Variants in DNER observed in about 807,000 individuals in gnomAD.
DNER encodes the protein delta and Notch-like epidermal growth factor-related receptor.
DNER carries 33 observed loss-of-function variants against 78.2 expected under a neutral mutation model. The observed-to-expected ratio is 0.42, with a 90% CI of 0.32 to 0.56. DNER has a LOEUF of 0.56. Ranked by LOEUF, DNER falls within the 20% of genes least tolerant of loss-of-function variation. The pLI is 0.11. For missense variants in DNER, 918 were observed against 975.3 expected, an observed-to-expected ratio of 0.94 and a Z score of 0.78; for synonymous variants, 417 against 384.8, an observed-to-expected ratio of 1.08 and a Z score of -0.98.
Position 229,358,575 on chromosome 2 carries a change from G to T in DNER, c.2179C>A (p.Pro727Thr), listed in dbSNP as rs771234732. 6 of 1,613,498 alleles carry T rather than the reference G, an allele frequency of 3.7e-6. No homozygotes were observed. The East Asian group carries it at 8.9e-5, about 24-fold the overall frequency. ...AYEDYSPDDK[P>T]LVTLIKTKDL is the part of the protein sequence containing the mutation. ...TTAGTTTTAATCAGTGTGACCAAGG[G>T]TTTGTCATCAGGACTGTAATCTTCA... is the stretch of plus-strand genomic sequence containing the variant. Residue 727 changes from proline to threonine, a missense_variant, in exon 13 of 13, where the codon CCC (proline) becomes ACC (threonine). Pro to Thr is a conservative substitution (Grantham distance 38, BLOSUM62 -1). Transcript: ENST00000341772.
intron 5 of DNER, among the ~76,000 whole-genome samples, chr2:229,541,573 A>G (rs1696514460): frequency 6.6e-6 from 1 of 152,178 alleles, no homozygotes; most frequent in Non-Finnish European, 1.5e-5. Flanking sequence ...AAAAATTCAA[A>G]AAAATTGTAT....
At chr2:229,457,071 T>C (rs1040020753) in intron 7 of DNER, among the ~76,000 whole-genome samples, 1 of 152,002 alleles carries the variant, frequency 6.6e-6, no homozygotes, top group African/African-American at 2.4e-5. Context: ...TCAGGGAAAA[T>C]AACTTCTAGT....
chr2:229,509,805 G>A (rs534580477), intron 6 of DNER, among the ~76,000 whole-genome samples: 77 of 152,248 alleles, frequency 5.1e-4, no homozygotes, highest in African/African-American at 1.8e-3. Flanking sequence ...ACAAGAGCAA[G>A]ACTCTGTCTC....
At chr2:229,515,158 T>C (rs1390165094) in intron 5 of DNER, among the ~76,000 whole-genome samples, 1 of 152,246 alleles carries the variant, frequency 6.6e-6, no homozygotes, top group Non-Finnish European at 1.5e-5. Flanking sequence ...TGTTTTTTCA[T>C]CATGTTTTGA....
chr2:229,552,611 ATGCGAAGAAGGACATGTT>A, intron 4 of DNER, among the ~76,000 whole-genome samples: 1 of 152,154 alleles, frequency 6.6e-6, no homozygotes. Context: ...TGCTGCCACC[ATGCGAAGAAGGACATGTT>A]TGCTTCCCTT....
At chr2:229,603,760 G>A (rs1324278108) in intron 1 of DNER, among the ~76,000 whole-genome samples, 1 of 143,274 alleles carries the variant, frequency 7.0e-6, no homozygotes, top group African/African-American at 3.0e-5. Flanking sequence ...TCTGTGCTTT[G>A]CAAGTTTGTG....
chr2:229,654,095 TC>T (rs200698769), intron 1 of DNER, among the ~76,000 whole-genome samples: 3,704 of 152,128 alleles, frequency 0.024, 152 homozygotes, highest in African/African-American at 0.085. Context: ...TAGGTATATC[TC>T]CCTAATGCTA....
At chr2:229,387,513 A>AAGAAAGAAAGAG (rs1692905716) in intron 11 of DNER, among the ~76,000 whole-genome samples, 2 of 36,872 alleles carry the variant, frequency 5.4e-5, no homozygotes, top group Non-Finnish European at 1.1e-4. Context: ...GAAAGAGAGA[A>AAGAAAGAAAGAG]AGAAAGAAAG....
intron 12 of DNER, among the ~76,000 whole-genome samples, chr2:229,365,926 C>T (rs1370870463): frequency 6.6e-6 from 1 of 152,176 alleles, no homozygotes; most frequent in Non-Finnish European, 1.5e-5. Flanking sequence ...CTTCAACAAA[C>T]AATATTGCTA....
intron 5 of DNER, among the ~76,000 whole-genome samples, chr2:229,542,336 A>G (rs1044491722): frequency 6.6e-6 from 1 of 152,198 alleles, no homozygotes; most frequent in Non-Finnish European, 1.5e-5. Flanking sequence ...TGAAGTAAAC[A>G]TTTATAAAGA....
At chr2:229,507,436 A>G (rs776810169) in intron 6 of DNER, among the ~76,000 whole-genome samples, 33 of 152,352 alleles carry the variant, frequency 2.2e-4, no homozygotes, top group Non-Finnish European at 3.8e-4. Flanking sequence ...GGAGACATTA[A>G]GTCACCTTAG....
At chr2:229,441,259 T>C (rs1694228788) in intron 8 of DNER, among the ~76,000 whole-genome samples, 1 of 151,078 alleles carries the variant, frequency 6.6e-6, no homozygotes, top group African/African-American at 2.4e-5. Flanking sequence ...GTTCAGAATT[T>C]TATATGAACT....
intron 6 of DNER, among the ~76,000 whole-genome samples, chr2:229,493,364 A>T (rs1370955583): frequency 6.6e-6 from 1 of 152,208 alleles, no homozygotes; most frequent in Non-Finnish European, 1.5e-5. Flanking sequence ...TTGAGGAAGA[A>T]TTATATTCTT....
chr2:229,633,541 A>G (rs994189976), intron 1 of DNER, among the ~76,000 whole-genome samples: 6 of 152,258 alleles, frequency 3.9e-5, no homozygotes, highest in African/African-American at 1.2e-4. Flanking sequence ...AAATGAATCC[A>G]AAGTAATATA....
Position 229,674,536 on chromosome 2 carries a change from C to T in DNER, c.276+39612G>A, listed in dbSNP as rs147870691. 2.4e-3 allele frequency among the ~76,000 whole-genome samples: 371 copies of T among 152,320 alleles called. 2 individuals carry two copies. The highest frequency in any genetic ancestry group is 8.5e-3 in the African/African-American group (355 of 41,578). ...TCAAGTGATCCTCCCCTCTTGGCCT[C>T]CCAAAGTGCTAGGGTTACAGGTGTG... On this transcript the variant is annotated intron_variant, in intron 1 of 12. Transcript: ENST00000341772.
chr2:229,373,786 G>A (rs887580058), intron 11 of DNER, among the ~76,000 whole-genome samples: 3 of 152,198 alleles, frequency 2.0e-5, no homozygotes, highest in African/African-American at 7.2e-5. Flanking sequence ...CATGTCATTT[G>A]CAGCAATATG....
chr2:229,677,754 G>T (rs1699320491), intron 1 of DNER, among the ~76,000 whole-genome samples: 1 of 152,164 alleles, frequency 6.6e-6, no homozygotes, highest in South Asian at 2.1e-4. Context: ...TTAGGGTTTA[G>T]AAGCAATACC....
At chr2:229,507,498 C>T (rs1411730455) in intron 6 of DNER, among the ~76,000 whole-genome samples, 1 of 152,122 alleles carries the variant, frequency 6.6e-6, no homozygotes, top group Non-Finnish European at 1.5e-5. Flanking sequence ...TAATTAATTA[C>T]GTTTCTGGAA....
At chr2:229,588,923 T>C (rs570345153) in intron 2 of DNER, among the ~76,000 whole-genome samples, 6 of 152,364 alleles carry the variant, frequency 3.9e-5, no homozygotes, top group African/African-American at 1.4e-4. Flanking sequence ...ACTTGCAAAG[T>C]GCATGCAGTA....
Sources: allele counts gnomAD v4.1 joint callset (sites outside exome capture counted in the v4.1 genomes callset), GRCh38; gene constraint gnomAD v4.1.1; transcripts MANE v1.5; gene names NCBI Gene and HGNC (gene_info 2026-07-23, HGNC 2026-07-21).